GPR108: variants seen among roughly 807,000 people sequenced by gnomAD.
GPR108 encodes the protein G protein-coupled receptor 108, also known as protein GPR108.
A neutral mutation model predicts 74.3 loss-of-function variants in GPR108; 60 were observed. That is an observed-to-expected ratio of 0.81 (90% confidence interval 0.66 to 1.00). The LOEUF is 1.00. Ranked by LOEUF, GPR108 falls within the 50% of genes least tolerant of loss-of-function variation. The probability of loss-of-function intolerance (pLI) is 0.00; values close to 1 mark genes in which losing one functional copy is unlikely to be tolerated. For missense variants in GPR108, 667 were observed against 703.3 expected (o/e 0.95, Z 0.58); for synonymous variants, 311 against 292.4 (o/e 1.06, Z -0.65).
At position 6,730,034 on chromosome 19, in the gene GPR108, C is replaced by T. The variant is rs928366820; in HGVS notation, c.*278G>A. 1.0e-5 allele frequency: 5 copies of T among 479,824 alleles called. No homozygotes were observed. Among genetic ancestry groups the T allele is most frequent in the African/African-American group, 5.8e-5 (3 of 51,292 alleles). 29.7% of individuals were successfully genotyped at this position (479,824 alleles called of 1,614,324 possible). A position where few individuals can be genotyped will look rare whatever the true frequency, so the allele number is the denominator to read the frequency against. Reference sequence around the variant, plus strand: ...CAACCTCCGTGTAGACCCCAACCCCCAAAAAGGCAAGACAACGGCGTAGCC... The same window carrying T: ...CAACCTCCGTGTAGACCCCAACCCCTAAAAAGGCAAGACAACGGCGTAGCC... On this transcript the variant is annotated 3_prime_UTR_variant, in exon 18 of 18. Coordinates refer to ENST00000264080, the MANE Select transcript of GPR108 (RefSeq NM_001080452.2).
Position 6,733,081 on chromosome 19 carries a change from A to AGAGATGGGG in GPR108, c.858-28_858-20dup. 1 of 1,613,352 alleles carries AGAGATGGGG rather than the reference A, an allele frequency of 6.2e-7. No individual in the cohort carries two copies. The highest frequency in any genetic ancestry group is 1.1e-5 in the South Asian group (1 of 91,056). On this transcript the variant is annotated intron_variant, in intron 9 of 17. Coordinates refer to ENST00000264080, the MANE Select transcript of GPR108 (RefSeq NM_001080452.2). ...GCTGTACCTGGTGGGAGGGTCAGGG[A>AGAGATGGGG]GAGATGGGGGTGCGGGGCATCAGCA...
intron 15 of GPR108, 90 bp from the exon 16 acceptor site, chr19:6,731,372 G>C (rs1345831908): frequency 2.7e-6 from 4 of 1,490,058 alleles, no homozygotes; most frequent in Non-Finnish European, 3.6e-6. Context: ...TGGGGAGCCT[G>C]GATGGGGGCC....
intron 8 of GPR108, 129 bp downstream of exon 8, chr19:6,733,441 C>A: frequency 7.7e-7 from 1 of 1,293,562 alleles, no homozygotes; most frequent in South Asian, 1.3e-5. Context: ...CCCCGTCTCT[C>A]AAATGGGTAT....
rs1253399688 is a variant in GPR108 at position 6,732,295 on chromosome 19, TCTC to T, written c.1090_1092del (p.Glu364del). 1.9e-6 allele frequency: 3 copies of T among 1,612,864 alleles called. No homozygotes were observed. Among genetic ancestry groups the T allele is most frequent in the Admixed American group, 1.7e-5 (1 of 60,018 alleles). On this transcript the variant is annotated inframe_deletion, in exon 12 of 18. Coordinates refer to ENST00000264080, the MANE Select transcript of GPR108 (RefSeq NM_001080452.2). ...GGGATCACGATCCCAAAGACCTTCT[TCTC>T]CTTATCCGACAGGACGTACTTGATG... is the stretch of plus-strand genomic sequence containing the variant.
rs748345071 is a variant in GPR108 at position 6,731,131 on chromosome 19, G to C, written c.1435-20C>G. ...CAAGAGCTGGGGGACGGGGCGGAGT[G>C]GGGGCGTCAGGCGCACCCCCACCCC... On this transcript the variant is annotated intron_variant, in intron 16 of 17. Coordinates refer to ENST00000264080, the MANE Select transcript of GPR108 (RefSeq NM_001080452.2). 6 of 1,611,994 alleles carry C rather than the reference G, an allele frequency of 3.7e-6. No individual in the cohort carries two copies. In the South Asian group the frequency reaches 5.5e-5, roughly 15 times the overall value.
intron 14 of GPR108, 122 bp downstream of exon 14, chr19:6,731,769 C>T (rs1396644910): frequency 8.6e-6 from 10 of 1,165,312 alleles, no homozygotes; most frequent in East Asian, 2.4e-5. Context: ...ACTGGGGCAT[C>T]CAGGGAGGCA....
intron 13 of GPR108, 36 bp downstream of exon 13, chr19:6,731,989 C>T (rs1234624550): frequency 3.7e-6 from 6 of 1,613,502 alleles, no homozygotes; most frequent in Admixed American, 1.7e-5. Flanking sequence ...CCCATGTGCA[C>T]AGGGCAGAGC....
chr19:6,731,151 C>T (rs763836318), intron 16 of GPR108, 40 bp from the exon 17 acceptor site: 3 of 1,609,158 alleles, frequency 1.9e-6, no homozygotes, highest in African/African-American at 1.3e-5. Context: ...GGCGCACCCC[C>T]ACCCCCACCG....
In GPR108 at chr19:6,737,480, G is replaced by A. The variant is rs1231014849; in HGVS notation, c.97C>T (p.Arg33Cys). 3 of 1,586,358 alleles carry A rather than the reference G, an allele frequency of 1.9e-6. No individual in the cohort carries two copies. Among genetic ancestry groups the A allele is most frequent in the Middle Eastern group, 1.7e-4 (1 of 5,980 alleles). Residue 33 changes from arginine to cysteine, a missense_variant, in exon 1 of 18, where the codon CGC becomes TGC. Arg to Cys is a radical substitution (Grantham distance 180, BLOSUM62 -3). Coordinates refer to ENST00000264080, the MANE Select transcript of GPR108 (RefSeq NM_001080452.2). Reference sequence around the variant, plus strand: ...ACCGTCAGCGCCAGCTGGTGGATGCGCCCGGAGCAGCCACCCAGCAGCAGC... The same window carrying A: ...ACCGTCAGCGCCAGCTGGTGGATGCACCCGGAGCAGCCACCCAGCAGCAGC... Reference protein sequence around the residue: ...LVLLLGGCSGRIHQLALTGEK... With the variant: ...LVLLLGGCSGCIHQLALTGEK...
rs1398634812 is a variant in GPR108 at position 6,733,600 on chromosome 19, C to T, written c.693G>A (p.Val231=). 2 of 1,614,064 alleles carry T rather than the reference C, an allele frequency of 1.2e-6. No individual in the cohort carries two copies. Among genetic ancestry groups the T allele is most frequent in the Non-Finnish European group, 1.7e-6 (2 of 1,180,002 alleles). ...TGTCGAATGGATGCTCCTTTCCTGGCACTGAATTGTTGCAGTTGTGGAAGT... is the reference window on the plus strand; with the variant it reads ...TGTCGAATGGATGCTCCTTTCCTGGTACTGAATTGTTGCAGTTGTGGAAGT... ...SLNFHNCNNS[V]PGKEHPFDIT... is the part of the protein sequence containing the mutation. The change falls in exon 8 of 18, where the codon GTG becomes GTA. Residue 231 remains valine, a synonymous_variant. Transcript: ENST00000264080.
chr19:6,735,171 G>A (rs774132499), intron 4 of GPR108, among the ~76,000 whole-genome samples: 39 of 152,266 alleles, frequency 2.6e-4, no homozygotes, highest in Middle Eastern at 3.4e-3. Flanking sequence ...GATTACAGGC[G>A]TAAGCCACTG....
chr19:6,735,658 A>G lies in GPR108; in HGVS notation c.338T>C (p.Phe113Ser). Residue 113 changes from phenylalanine to serine, a missense_variant, in exon 4 of 18, where the codon TTC (phenylalanine) becomes TCC (serine). Physicochemically the swap from Phe to Ser is radical, Grantham distance 155. Coordinates refer to ENST00000264080, the MANE Select transcript of GPR108 (RefSeq NM_001080452.2). Reference sequence around the variant, plus strand: ...GGTGTTGATGAGGAACAGGACCAGGAAACTGCTACTGTTTTTCTGGAGAGG... The same window carrying G: ...GGTGTTGATGAGGAACAGGACCAGGGAACTGCTACTGTTTTTCTGGAGAGG... Reference protein sequence around the residue: ...DCPLQKNSSSFLVLFLINTKD... With the variant: ...DCPLQKNSSSSLVLFLINTKD... The G allele has an allele frequency of 6.2e-7, 1 of 1,614,108 alleles. No individual in the cohort carries two copies. The highest frequency in any genetic ancestry group is 1.3e-5 in the African/African-American group (1 of 75,028).
In GPR108 at chr19:6,734,188, T is replaced by C. The variant is rs1271496769; in HGVS notation, c.494A>G (p.Asp165Gly). The change falls in exon 5 of 18, where the codon GAT (aspartate) becomes GGT (glycine). Residue 165 changes from aspartate (D) to glycine (G), a missense_variant. Asp to Gly is a moderately conservative substitution (Grantham distance 94). Coordinates refer to ENST00000264080, the MANE Select transcript of GPR108 (RefSeq NM_001080452.2). The stretch of plus-strand genomic sequence containing the variant: ...GCACAGCCAGCCTGACTCACCGCCA[T>C]CCACCTTGCGGGGGACTGTGGCCTG... ...KPQATVPRKV[D>G]GGGTSAASKP... 2.5e-6 allele frequency: 4 copies of C among 1,614,194 alleles called. No individual in the cohort carries two copies. The highest frequency in any genetic ancestry group is 3.3e-5 in the Admixed American group (2 of 60,026).
Position 6,732,991 on chromosome 19 carries a change from T to C in GPR108, c.929A>G (p.His310Arg), listed in dbSNP as rs771048755. Residue 310 changes from histidine (H) to arginine (R), a missense_variant, in exon 10 of 18, where the codon CAC becomes CGC. Transcript: ENST00000264080. ...AFTKSISLLF[H>R]SINYYFINSQ... ...TCCCCGGTCCAAGGCTCTCACGCTG[T>C]GGAAGAGGAGAGAGATGCTCTTGGT... 1 of 1,594,036 alleles carries C rather than the reference T, an allele frequency of 6.3e-7. No homozygotes were observed. Among genetic ancestry groups the C allele is most frequent in the Non-Finnish European group, 8.5e-7 (1 of 1,169,906 alleles).
chr19:6,733,503 G>T, intron 8 of GPR108, 67 bp downstream of exon 8: 1 of 1,505,444 alleles, frequency 6.6e-7, no homozygotes, highest in Non-Finnish European at 9.2e-7. Context: ...AGCGGGGTGA[G>T]GCACTCTGGG....
chr19:6,733,835 A>G lies in GPR108; in HGVS notation c.618+10T>C. On this transcript the variant is annotated intron_variant, in intron 7 of 17. Coordinates refer to ENST00000264080, the MANE Select transcript of GPR108 (RefSeq NM_001080452.2). The stretch of plus-strand genomic sequence containing the variant: ...GTGACGGAAGGGCCGCAGGCGCTGC[A>G]AACACTCACACTGAAGTTGTAGGAG... The G allele has an allele frequency of 6.2e-7, 1 of 1,613,974 alleles. No homozygotes were observed. The highest frequency in any genetic ancestry group is 8.5e-7 in the Non-Finnish European group (1 of 1,179,866).
Position 6,731,106 on chromosome 19 carries a change from C to G in GPR108, c.1440G>C (p.Leu480Phe). Residue 480 changes from leucine to phenylalanine, a missense_variant, in exon 17 of 18, where the codon TTG becomes TTC. By Grantham distance (22) the Leu-to-Phe change is conservative. Coordinates refer to ENST00000264080, the MANE Select transcript of GPR108 (RefSeq NM_001080452.2). ...PFQWQWLYQLLVEGSTLAFFV... is the reference protein window; with the variant it reads ...PFQWQWLYQLFVEGSTLAFFV... Reference sequence around the variant, plus strand: ...AGAAGGCCAGGGTGGAGCCCTCCACCAAGAGCTGGGGGACGGGGCGGAGTG... The same window carrying G: ...AGAAGGCCAGGGTGGAGCCCTCCACGAAGAGCTGGGGGACGGGGCGGAGTG... 1.2e-6 allele frequency: 2 copies of G among 1,613,238 alleles called. No homozygotes were observed. Among genetic ancestry groups the G allele is most frequent in the Non-Finnish European group, 1.7e-6 (2 of 1,179,778 alleles).
intron 17 of GPR108, 111 bp from the exon 18 acceptor site, chr19:6,730,495 GC>G (rs1481890143): frequency 3.4e-6 from 3 of 872,338 alleles, no homozygotes; most frequent in Non-Finnish European, 5.6e-6. Context: ...AGCAGCCCTG[GC>G]CTTGCCCACT....
chr19:6,731,218 T>A lies in GPR108; in HGVS notation c.1415A>T (p.Gln472Leu). The change falls in exon 16 of 18, where the codon CAG becomes CTG. Residue 472 changes from glutamine to leucine, a missense_variant. Physicochemically the swap from Gln to Leu is moderately radical, Grantham distance 113 (BLOSUM62 -2). Coordinates refer to ENST00000264080, the MANE Select transcript of GPR108 (RefSeq NM_001080452.2). ...AILLQVAVPF[Q>L]WQWLYQLLVE... is the part of the protein sequence containing the mutation. ...GCTCACCTGGTACAGCCACTGCCAC[T>A]GAAAGGGCACAGCCACCTGCAGCAG... The A allele has an allele frequency of 6.3e-7, 1 of 1,577,104 alleles. No homozygotes were observed.
Sources: gnomAD v4.1 joint callset for allele counts (sites outside exome capture counted in the v4.1 genomes callset) on GRCh38, gnomAD v4.1.1 for gene constraint, MANE v1.5 for transcripts, NCBI Gene and HGNC (gene_info 2026-07-23, HGNC 2026-07-21) for gene names.